LRP2: variants seen among roughly 807,000 people sequenced by gnomAD.
The protein encoded by LRP2 is LDL receptor related protein 2.
In LRP2, 172 loss-of-function variants were observed where a neutral mutation model predicts 531.0. That is an observed-to-expected ratio of 0.32 (90% CI 0.29 to 0.37). The LOEUF is 0.37. Ranked by LOEUF, LRP2 falls within the 10% of genes least tolerant of loss-of-function variation. The pLI is 1.00. For missense variants in LRP2, 5,167 were observed against 5,868.3 expected, an observed-to-expected ratio of 0.88 and a Z score of 3.90; for synonymous variants, 1,992 against 2,027.6, an observed-to-expected ratio of 0.98 and a Z score of 0.47.
At position 169,204,021 on chromosome 2, in the gene LRP2, C is replaced by G; in HGVS notation, c.7966G>C (p.Glu2656Gln). ...NQKQQCNNPC[E>Q]QFNGGCSHIC... Reference sequence around the variant, plus strand: ...TGGCTGCAGCCCCCATTAAACTGTTCACAAGGATTGTTACACTGTTGTTTC... The same window carrying G: ...TGGCTGCAGCCCCCATTAAACTGTTGACAAGGATTGTTACACTGTTGTTTC... Residue 2656 changes from glutamate (E) to glutamine (Q), a missense_variant, in exon 42 of 79, where the codon GAA becomes CAA. Physicochemically the swap from Glu to Gln is conservative, Grantham distance 29. This residue lies in a region of LRP2 where 1,129 missense variants were observed against 1,362.7 expected (regional missense o/e 0.83). Transcript: ENST00000649046. 1 of 1,614,192 alleles carries G rather than the reference C, an allele frequency of 6.2e-7. No individual in the cohort carries two copies. The highest frequency in any genetic ancestry group is 1.7e-5 in the Admixed American group (1 of 60,024).
rs74271885 is a variant in LRP2 at position 169,335,285 on chromosome 2, T to A, written c.80-14401A>T. On this transcript the variant is annotated intron_variant, in intron 1 of 78. Coordinates refer to ENST00000649046, the MANE Select transcript of LRP2 (RefSeq NM_004525.3). Reference sequence around the variant, plus strand: ...TCAGGTGATCCTCTGGAGTTTTACATGAAATACTGTAGGTGTATAATTCCA... The same window carrying A: ...TCAGGTGATCCTCTGGAGTTTTACAAGAAATACTGTAGGTGTATAATTCCA... 4.6e-5 allele frequency among the ~76,000 whole-genome samples: 7 copies of A among 152,238 alleles called. No individual in the cohort carries two copies. In the East Asian group the frequency reaches 1.2e-3, roughly 25 times the overall value.
intron 46 of LRP2, 132 bp downstream of exon 46, chr2:169,196,779 T>G: frequency 7.9e-7 from 1 of 1,265,896 alleles, no homozygotes; most frequent in South Asian, 1.2e-5. Context: ...GTGTCAGCAT[T>G]CCAGATGAAA....
At chr2:169,149,316 C>A (rs1233947721) in intron 68 of LRP2, among the ~76,000 whole-genome samples, 1 of 152,200 alleles carries the variant, frequency 6.6e-6, no homozygotes, top group African/African-American at 2.4e-5. Flanking sequence ...GACCCACTGG[C>A]AGATCTTATA....
chr2:169,146,735 T>G lies in LRP2; in HGVS notation c.12811+4A>C. 1 of 1,605,858 alleles carries G rather than the reference T, an allele frequency of 6.2e-7. No individual in the cohort carries two copies. The highest frequency in any genetic ancestry group is 8.5e-7 in the Non-Finnish European group (1 of 1,172,416). On this transcript the variant is annotated splice_donor_region_variant and intron_variant, in intron 69 of 78. Transcript: ENST00000649046. ...AATATATTACTTTCTAACTAATTTC[T>G]AACCTTCCTTTGCAATGACTCTCCT... is the stretch of plus-strand genomic sequence containing the variant.
rs1456737473 is a variant in LRP2 at position 169,140,480 on chromosome 2, C to A, written c.13174G>T (p.Asp4392Tyr). The A allele has an allele frequency of 6.2e-7, 1 of 1,614,000 alleles. No individual in the cohort carries two copies. Among genetic ancestry groups the A allele is most frequent in the Non-Finnish European group, 8.5e-7 (1 of 1,179,992 alleles). Residue 4392 changes from aspartate to tyrosine, a missense_variant, in exon 72 of 79, where the codon GAT (aspartate) becomes TAT (tyrosine). Around this residue, in one of 6 missense-constraint regions of LRP2, gnomAD observed 348 missense variants for 369.3 expected, o/e 0.94. Transcript: ENST00000649046. The part of the protein sequence containing the change: ...RCMHGGNCYF[D>Y]ETDLPKCKCP... ...TTGCATTTGGGGAGGTCAGTCTCAT[C>A]AAAATAGCAATTTCCTCCGTGCATG...
rs1173834152 is a variant in LRP2 at position 169,220,563 on chromosome 2, C to T, written c.5539G>A (p.Val1847Ile). Residue 1847 changes from valine to isoleucine, a missense_variant and splice_region_variant, in exon 34 of 79, where the codon GTT becomes ATT. This residue lies in a region of LRP2 where 2,811 missense variants were observed against 3,058.0 expected (regional missense o/e 0.92). Coordinates refer to ENST00000649046, the MANE Select transcript of LRP2 (RefSeq NM_004525.3). Reference sequence around the variant, plus strand: ...CTGATATCTCCGTGGAGTGTCAAAACCTATAGCATAAAATCACTTATTAGA... The same window carrying T: ...CTGATATCTCCGTGGAGTGTCAAAATCTATAGCATAAAATCACTTATTAGA... Reference protein sequence around the residue: ...STNPRTQSIEVLTLHGDIRYR... With the variant: ...STNPRTQSIEILTLHGDIRYR... 1.9e-6 allele frequency: 3 copies of T among 1,600,078 alleles called. No individual in the cohort carries two copies. Among genetic ancestry groups the T allele is most frequent in the Non-Finnish European group, 2.6e-6 (3 of 1,168,208 alleles).
At chr2:169,327,736 G>A (rs1685131724) in intron 1 of LRP2, among the ~76,000 whole-genome samples, 1 of 127,092 alleles carries the variant, frequency 7.9e-6, no homozygotes, top group Non-Finnish European at 1.7e-5. Flanking sequence ...CCGGCCAGCC[G>A]CCCCGTCCGG....
At chr2:169,310,914 C>T (rs1684578020) in intron 3 of LRP2, among the ~76,000 whole-genome samples, 1 of 152,148 alleles carries the variant, frequency 6.6e-6, no homozygotes, top group African/African-American at 2.4e-5. Context: ...TCAACTTCTT[C>T]CTGGTTTAGT....
chr2:169,210,140 A>G (rs1387459382), intron 37 of LRP2, among the ~76,000 whole-genome samples: 1 of 152,222 alleles, frequency 6.6e-6, no homozygotes, highest in Non-Finnish European at 1.5e-5. Flanking sequence ...TAACAAATGT[A>G]AAGGGAATGC....
chr2:169,142,076 GGCTTTTCCAGCACCGGAT>G (rs1362390674), intron 71 of LRP2, among the ~76,000 whole-genome samples: 1 of 152,200 alleles, frequency 6.6e-6, no homozygotes, highest in Non-Finnish European at 1.5e-5. Flanking sequence ...CTTTTTCACA[GGCTTTTCCAGCACCGGAT>G]GCTAGTTAGG....
At chr2:169,165,318 T>C (rs969145659) in intron 62 of LRP2, among the ~76,000 whole-genome samples, 6 of 152,252 alleles carry the variant, frequency 3.9e-5, no homozygotes, top group Non-Finnish European at 1.5e-5. Context: ...CTTCAATGGA[T>C]AGATTTTAAA....
chr2:169,276,046 TC>T, intron 13 of LRP2, among the ~76,000 whole-genome samples: 1 of 151,784 alleles, frequency 6.6e-6, no homozygotes, highest in Non-Finnish European at 1.5e-5. Flanking sequence ...AATCTTAGCA[TC>T]CCCTGAAAAC....
rs1187349058 is a variant in LRP2, at chr2:169,146,739, C to A, written c.12811G>T (p.Ala4271Ser). ...GTDRRVIAKE[A>S]MNPYSLDIFE... ...TATTACTTTCTAACTAATTTCTAAC[C>A]TTCCTTTGCAATGACTCTCCTATCA... Residue 4271 changes from alanine (A) to serine (S), a missense_variant and splice_region_variant, in exon 69 of 79, where the codon GCA becomes TCA. Coordinates refer to ENST00000649046, the MANE Select transcript of LRP2 (RefSeq NM_004525.3). 6.2e-7 allele frequency: 1 copy of A among 1,607,690 alleles called. No individual in the cohort carries two copies. Among genetic ancestry groups the A allele is most frequent in the Non-Finnish European group, 8.5e-7 (1 of 1,174,342 alleles).
intron 50 of LRP2, among the ~76,000 whole-genome samples, chr2:169,184,002 C>A (rs1687535473): frequency 6.6e-6 from 1 of 152,066 alleles, no homozygotes; most frequent in South Asian, 2.1e-4. Flanking sequence ...GTTTACCCTA[C>A]CCTCACCCAG....
intron 31 of LRP2, among the ~76,000 whole-genome samples, chr2:169,228,233 C>T (rs1300135718): frequency 6.6e-6 from 1 of 151,148 alleles, no homozygotes; most frequent in South Asian, 2.1e-4. Flanking sequence ...TTCATCACTA[C>T]ACTGCAAATA....
intron 4 of LRP2, among the ~76,000 whole-genome samples, chr2:169,298,754 G>A (rs1574232822): frequency 6.6e-6 from 1 of 151,882 alleles, no homozygotes; most frequent in Admixed American, 6.6e-5. Context: ...GGAATTCTAG[G>A]AAACCTACAC....
chr2:169,334,776 C>A (rs1685359048), intron 1 of LRP2, among the ~76,000 whole-genome samples: 1 of 152,144 alleles, frequency 6.6e-6, no homozygotes, highest in Non-Finnish European at 1.5e-5. Context: ...TAAACTGATA[C>A]AGTATGCAGT....
intron 20 of LRP2, 35 bp downstream of exon 20, chr2:169,247,342 AC>A (rs1405523136): frequency 1.2e-6 from 2 of 1,611,448 alleles, no homozygotes; most frequent in African/African-American, 1.3e-5. Context: ...ATAAACCCAT[AC>A]AAAAAAATAA....
rs886055089 is a variant in LRP2, at chr2:169,247,417, T to C, written c.2869A>G (p.Ile957Val). The part of the protein sequence containing the change: ...MTVIRSGIAY[I>V]LHLKSYDVNI... Reference sequence around the variant, plus strand: ...ACATCATACGATTTCAAATGCAGTATGTAAGCAATGCCACTTCGGATAACT... The same window carrying C: ...ACATCATACGATTTCAAATGCAGTACGTAAGCAATGCCACTTCGGATAACT... The change falls in exon 20 of 79, where the codon ATA (isoleucine) becomes GTA (valine). Residue 957 changes from isoleucine to valine, a missense_variant. By Grantham distance (29) the Ile-to-Val change is conservative. Around this residue, in one of 6 missense-constraint regions of LRP2, gnomAD observed 2,811 missense variants for 3,058.0 expected, o/e 0.92. Transcript: ENST00000649046. 6 of 1,614,078 alleles carry C rather than the reference T, an allele frequency of 3.7e-6. No homozygotes were observed. Among genetic ancestry groups the C allele is most frequent in the Non-Finnish European group, 5.1e-6 (6 of 1,180,030 alleles).
Sources: gnomAD v4.1 joint callset for allele counts (sites outside exome capture counted in the v4.1 genomes callset) on GRCh38, gnomAD v4.1.1 for gene constraint, gnomAD v4.1.1 regional missense constraint, MANE v1.5 for transcripts, NCBI Gene and HGNC (gene_info 2026-07-23, HGNC 2026-07-21) for gene names.